The following RBFOX1 variants were observed in gnomAD, a reference collection of about 807,000 sequenced individuals.
RBFOX1 encodes the protein RNA binding fox-1 homolog 1.
A neutral mutation model predicts 57.7 loss-of-function variants in RBFOX1; 8 were observed. That is an observed-to-expected ratio of 0.14 (90% CI 0.08 to 0.25). The LOEUF (loss-of-function observed/expected upper bound fraction) is 0.25, where lower values mean the gene tolerates loss of function less well. Ranked by LOEUF, RBFOX1 falls within the 10% of genes least tolerant of loss-of-function variation. The pLI is 1.00. For synonymous variants in RBFOX1, 326 were observed against 222.4 expected, an observed-to-expected ratio of 1.47 and a Z score of -4.15; for missense variants, 611 against 548.5, an observed-to-expected ratio of 1.11 and a Z score of -1.14.
chr16:5,828,123 A>T (rs570277174), intron 3 of RBFOX1, among the ~76,000 whole-genome samples: 1 of 151,500 alleles, frequency 6.6e-6, no homozygotes, highest in South Asian at 2.1e-4. Flanking sequence ...CCACTCAGCC[A>T]CCTATCCACC....
At chr16:7,529,815 C>A (rs1208328034) in intron 5 of RBFOX1, among the ~76,000 whole-genome samples, 1 of 151,924 alleles carries the variant, frequency 6.6e-6, no homozygotes, top group African/African-American at 2.4e-5. Context: ...TCGAGACCAG[C>A]CTAGTCAACC....
At chr16:6,899,299 G>T (rs949742334) in intron 3 of RBFOX1, among the ~76,000 whole-genome samples, 1 of 152,124 alleles carries the variant, frequency 6.6e-6, no homozygotes, top group African/African-American at 2.4e-5. Context: ...ATACATATGT[G>T]TATGCATGTG....
At chr16:7,655,651 C>A (rs933831211) in intron 12 of RBFOX1, among the ~76,000 whole-genome samples, 1 of 152,190 alleles carries the variant, frequency 6.6e-6, no homozygotes, top group African/African-American at 2.4e-5. Context: ...TACCTTTGGG[C>A]TCATGTAATT....
At chr16:6,888,681 C>A (rs1488588784) in intron 3 of RBFOX1, among the ~76,000 whole-genome samples, 1 of 152,124 alleles carries the variant, frequency 6.6e-6, no homozygotes, top group African/African-American at 2.4e-5. Context: ...CTCCTGTATT[C>A]TAAGATCCTA....
At chr16:7,133,815 T>C (rs2071174236) in intron 4 of RBFOX1, among the ~76,000 whole-genome samples, 1 of 152,224 alleles carries the variant, frequency 6.6e-6, no homozygotes, top group South Asian at 2.1e-4. Context: ...GCTTCTTTGC[T>C]GTCAGCCCTT....
At chr16:6,658,348 C>T (rs566228951) in intron 3 of RBFOX1, among the ~76,000 whole-genome samples, 5 of 151,708 alleles carry the variant, frequency 3.3e-5, no homozygotes, top group Admixed American at 3.3e-4. Flanking sequence ...TCAAGCGATT[C>T]TCCTGCCTCA....
intron 4 of RBFOX1, among the ~76,000 whole-genome samples, chr16:7,437,530 C>A (rs868165103): frequency 2.4e-4 from 37 of 152,128 alleles, no homozygotes; most frequent in African/African-American, 8.4e-4. Flanking sequence ...GTACCATTTC[C>A]ATAATCAACA....
At chr16:7,118,370 A>T (rs1408717650) in intron 4 of RBFOX1, among the ~76,000 whole-genome samples, 1 of 151,798 alleles carries the variant, frequency 6.6e-6, no homozygotes, top group Non-Finnish European at 1.5e-5. Context: ...TTTCTTGGCC[A>T]TTTGTTGGCT....
intron 3 of RBFOX1, among the ~76,000 whole-genome samples, chr16:6,807,627 C>A (rs139286833): frequency 1.3e-5 from 2 of 151,908 alleles, no homozygotes; most frequent in African/African-American, 4.8e-5. Context: ...ACCAGCCTGG[C>A]GAGCATGGTG....
At chr16:6,964,447 T>A (rs1460914988) in intron 3 of RBFOX1, among the ~76,000 whole-genome samples, 3 of 152,106 alleles carry the variant, frequency 2.0e-5, no homozygotes, top group Non-Finnish European at 4.4e-5. Flanking sequence ...GAAACTCTGC[T>A]CTTTGGGTGA....
intron 1 of RBFOX1, among the ~76,000 whole-genome samples, chr16:6,211,188 C>CCATGAGACAGAG (rs2097295011): frequency 1.1e-5 from 1 of 91,308 alleles, no homozygotes; most frequent in Admixed American, 1.1e-4. Context: ...TTTTCTTCTT[C>CCATGAGACAGAG]TTTTTTTTTT....
At chr16:7,149,985 C>A (rs1010790926) in intron 4 of RBFOX1, among the ~76,000 whole-genome samples, 3 of 152,210 alleles carry the variant, frequency 2.0e-5, no homozygotes, top group Non-Finnish European at 1.5e-5. Flanking sequence ...TATGGTATTT[C>A]CTCTGCTAGA....
intron 3 of RBFOX1, among the ~76,000 whole-genome samples, chr16:6,928,790 GAA>G: frequency 6.6e-6 from 1 of 152,148 alleles, no homozygotes; most frequent in Non-Finnish European, 1.5e-5. Flanking sequence ...TTTCCGCTAT[GAA>G]AAGACATATG....
chr16:5,522,311 T>G (rs1032015366), intron 2 of RBFOX1, among the ~76,000 whole-genome samples: 2 of 152,262 alleles, frequency 1.3e-5, no homozygotes, highest in Non-Finnish European at 2.9e-5. Flanking sequence ...AGAGCTCATC[T>G]TGGTGTTGTG....
At chr16:6,211,228 C>CTTTTTT (rs990122299) in intron 1 of RBFOX1, among the ~76,000 whole-genome samples, 5 of 96,840 alleles carry the variant, frequency 5.2e-5, no homozygotes, top group African/African-American at 7.1e-5. Context: ...ATCTAGTTAA[C>CTTTTTT]TTTTTTTTTT....
chr16:6,225,257 C>T (rs909559283), intron 1 of RBFOX1, among the ~76,000 whole-genome samples: 16 of 151,902 alleles, frequency 1.1e-4, no homozygotes, highest in Admixed American at 3.9e-4. Context: ...AAATAGTGCC[C>T]CTGTTCTGAA....
intron 3 of RBFOX1, among the ~76,000 whole-genome samples, chr16:5,653,433 G>T (rs1031112800): frequency 6.7e-6 from 1 of 150,212 alleles, no homozygotes; most frequent in African/African-American, 2.5e-5. Flanking sequence ...AGGCAGGTGG[G>T]GTGTGGAGCC....
intron 4 of RBFOX1, among the ~76,000 whole-genome samples, chr16:7,452,932 C>T (rs1328955520): frequency 6.6e-6 from 1 of 152,126 alleles, no homozygotes; most frequent in African/African-American, 2.4e-5. Flanking sequence ...AGTTAGAGAA[C>T]AGCCTGGCCA....
chr16:5,273,568 C>T (rs1417574814), intron 1 of RBFOX1, among the ~76,000 whole-genome samples: 5 of 151,946 alleles, frequency 3.3e-5, no homozygotes, highest in Admixed American at 1.3e-4. Flanking sequence ...AGGTTTGGAA[C>T]GACGGGAAGG....
Sources: allele counts gnomAD v4.1 joint callset (sites outside exome capture counted in the v4.1 genomes callset), GRCh38; gene constraint gnomAD v4.1.1; transcripts MANE v1.5; gene names NCBI Gene and HGNC (gene_info 2026-07-23, HGNC 2026-07-21).